NAV3: variants seen among roughly 807,000 people sequenced by gnomAD.
NAV3 encodes neuron navigator 3.
NAV3 carries 87 observed loss-of-function variants against 244.7 expected under a neutral mutation model. That is an observed-to-expected ratio of 0.36 (90% CI 0.30 to 0.42). The LOEUF (loss-of-function observed/expected upper bound fraction) is 0.42, where lower values mean the gene tolerates loss of function less well. Ranked by LOEUF, NAV3 falls within the 20% of genes least tolerant of loss-of-function variation. NAV3 has a pLI of 1.00. For synonymous variants in NAV3, 1,126 were observed against 1,042.2 expected (o/e 1.08, Z -1.55); for missense variants, 2,663 against 2,893.3 (o/e 0.92, Z 1.83).
intron 24 of NAV3, among the ~76,000 whole-genome samples, chr12:78,172,821 AT>A (rs1212497675): frequency 6.6e-6 from 1 of 151,644 alleles, no homozygotes. Context: ...TGTAGGCCAT[AT>A]TTAGAAGTTG....
intron 2 of NAV3, among the ~76,000 whole-genome samples, chr12:77,660,347 T>C (rs572123233): frequency 1.3e-5 from 2 of 152,270 alleles, no homozygotes; most frequent in East Asian, 3.9e-4. Context: ...TCTCAGAATT[T>C]AAGTCAAATA....
intron 1 of NAV3, among the ~76,000 whole-genome samples, chr12:77,857,369 A>G (rs926725620): frequency 6.6e-6 from 1 of 152,110 alleles, no homozygotes; most frequent in African/African-American, 2.4e-5. Flanking sequence ...TTTTGAAATT[A>G]TGTGATAATT....
chr12:78,046,099 T>G (rs1881745278), intron 9 of NAV3, among the ~76,000 whole-genome samples: 1 of 152,216 alleles, frequency 6.6e-6, no homozygotes, highest in African/African-American at 2.4e-5. Flanking sequence ...CATTTTTTAT[T>G]ACATCTATTT....
chr12:78,154,925 A>G (rs1471638710), intron 22 of NAV3, among the ~76,000 whole-genome samples: 1 of 152,006 alleles, frequency 6.6e-6, no homozygotes, highest in African/African-American at 2.4e-5. Flanking sequence ...CATTTACCCT[A>G]TTGAGTGAGA....
chr12:77,763,403 G>A (rs1020147962), intron 2 of NAV3, among the ~76,000 whole-genome samples: 3 of 152,252 alleles, frequency 2.0e-5, no homozygotes, highest in South Asian at 4.1e-4. Flanking sequence ...TGGTTTTTGT[G>A]GGTCAGGGGC....
intron 2 of NAV3, among the ~76,000 whole-genome samples, chr12:77,680,894 T>A (rs1874422336): frequency 6.6e-6 from 1 of 152,142 alleles, no homozygotes; most frequent in South Asian, 2.1e-4. Context: ...GCATTTTTTA[T>A]CCAGTGGAGA....
chr12:78,071,153 G>A (rs1178390980), intron 12 of NAV3, among the ~76,000 whole-genome samples: 6 of 152,250 alleles, frequency 3.9e-5, no homozygotes, highest in East Asian at 1.9e-4. Flanking sequence ...GGTTGAACTA[G>A]TTTACAGTCC....
chr12:78,125,232 T>C (rs1955854673), intron 16 of NAV3, among the ~76,000 whole-genome samples: 1 of 152,182 alleles, frequency 6.6e-6, no homozygotes, highest in African/African-American at 2.4e-5. Flanking sequence ...GGCAAGTTAA[T>C]TAGCGATATA....
At chr12:78,172,988 T>A (rs404631) in intron 24 of NAV3, among the ~76,000 whole-genome samples, 1 of 151,544 alleles carries the variant, frequency 6.6e-6, no homozygotes, top group Non-Finnish European at 1.5e-5. Context: ...TGCTGTAAAG[T>A]TTATGTTGGT....
intron 2 of NAV3, among the ~76,000 whole-genome samples, chr12:77,671,661 G>A (rs921703001): frequency 2.6e-5 from 4 of 152,054 alleles, no homozygotes; most frequent in African/African-American, 9.7e-5. Flanking sequence ...CGCAGAGTGG[G>A]GAAAGGACAC....
chr12:77,757,026 T>C (rs1869216319), intron 2 of NAV3, among the ~76,000 whole-genome samples: 1 of 152,198 alleles, frequency 6.6e-6, no homozygotes, highest in Non-Finnish European at 1.5e-5. Flanking sequence ...ACTTGCTAGG[T>C]ATAACAGTAA....
chr12:77,896,717 A>T (rs1323368084), intron 1 of NAV3, among the ~76,000 whole-genome samples: 1 of 152,124 alleles, frequency 6.6e-6, no homozygotes, highest in Non-Finnish European at 1.5e-5. Flanking sequence ...CGCTTCCTCT[A>T]AAGGGGTAAC....
chr12:77,976,669 T>C (rs1868464395), intron 5 of NAV3, among the ~76,000 whole-genome samples: 3 of 82,166 alleles, frequency 3.7e-5, no homozygotes, highest in African/African-American at 5.5e-5. Flanking sequence ...TTTCTTTCTT[T>C]TTTTCTTTTT....
chr12:78,142,677 A>G (rs1232641264), intron 20 of NAV3, among the ~76,000 whole-genome samples: 2 of 108,182 alleles, frequency 1.8e-5, no homozygotes, highest in Non-Finnish European at 3.7e-5. Context: ...ATATACATAT[A>G]TATGTGTATA....
intron 20 of NAV3, among the ~76,000 whole-genome samples, chr12:78,142,064 C>T (rs919043383): frequency 6.6e-6 from 1 of 151,922 alleles, no homozygotes; most frequent in Non-Finnish European, 1.5e-5. Flanking sequence ...CTATAGTTAA[C>T]AATAATTTAT....
chr12:78,083,063 T>C (rs1953442168), intron 12 of NAV3, among the ~76,000 whole-genome samples: 1 of 152,200 alleles, frequency 6.6e-6, no homozygotes, highest in Non-Finnish European at 1.5e-5. Flanking sequence ...GAAATTCACA[T>C]CTTAGAGTTA....
intron 2 of NAV3, among the ~76,000 whole-genome samples, chr12:77,824,072 C>A (rs1872859347): frequency 6.6e-6 from 1 of 151,534 alleles, no homozygotes; most frequent in African/African-American, 2.4e-5. Context: ...CAAAATGAAG[C>A]ACAGAGAGTA....
At chr12:77,846,994 T>TA (rs899035969) in intron 1 of NAV3, among the ~76,000 whole-genome samples, 3 of 152,172 alleles carry the variant, frequency 2.0e-5, no homozygotes, top group African/African-American at 7.2e-5. Flanking sequence ...ACCTAAATCT[T>TA]ACGGGCCCTG....
chr12:77,728,369 C>A (rs1262102263), intron 2 of NAV3, among the ~76,000 whole-genome samples: 1 of 151,896 alleles, frequency 6.6e-6, no homozygotes, highest in Non-Finnish European at 1.5e-5. Context: ...GTCACACTTG[C>A]AAGAGTGTGA....
Sources: gnomAD v4.1 joint callset for allele counts (sites outside exome capture counted in the v4.1 genomes callset) on GRCh38, gnomAD v4.1.1 for gene constraint, MANE v1.5 for transcripts, NCBI Gene and HGNC (gene_info 2026-07-23, HGNC 2026-07-21) for gene names.